The following DPYD variants were observed in gnomAD, a reference collection of about 807,000 sequenced individuals.
The protein encoded by DPYD is dihydropyrimidine dehydrogenase, also known as dihydropyrimidine dehydrogenase [NADP(+)].
Under a neutral mutation model 116.2 loss-of-function variants are expected in DPYD, and 109 were observed. That is an observed-to-expected ratio of 0.94 (90% CI 0.80 to 1.10). DPYD has a LOEUF of 1.10. DPYD is among the 50% of genes least tolerant of loss of function. The pLI is 0.00. For synonymous variants in DPYD, 440 were observed against 432.0 expected, an observed-to-expected ratio of 1.02 and a Z score of -0.23; for missense variants, 1,302 against 1,254.5, an observed-to-expected ratio of 1.04 and a Z score of -0.57.
intron 8 of DPYD, among the ~76,000 whole-genome samples, chr1:97,655,761 A>C (rs1457883893): frequency 6.6e-6 from 1 of 152,178 alleles, no homozygotes; most frequent in Non-Finnish European, 1.5e-5. Flanking sequence ...AAAACTTTAA[A>C]AACTGTACAC....
intron 3 of DPYD, among the ~76,000 whole-genome samples, chr1:97,817,878 C>T (rs1007983220): frequency 7.9e-5 from 12 of 152,134 alleles, no homozygotes; most frequent in African/African-American, 2.9e-4. Flanking sequence ...AGCTAATCCT[C>T]ACAGTACCAA....
At chr1:97,713,374 T>G (rs1349975918) in intron 5 of DPYD, among the ~76,000 whole-genome samples, 1 of 152,122 alleles carries the variant, frequency 6.6e-6, no homozygotes, top group Non-Finnish European at 1.5e-5. Flanking sequence ...TTTCGTTAAA[T>G]TTCAAAGTTA....
At chr1:97,763,534 T>A (rs1665693217) in intron 3 of DPYD, among the ~76,000 whole-genome samples, 2 of 151,990 alleles carry the variant, frequency 1.3e-5, no homozygotes, top group African/African-American at 4.8e-5. Flanking sequence ...AACTCCTCCA[T>A]CAAGAAAGGA....
intron 3 of DPYD, among the ~76,000 whole-genome samples, chr1:97,749,605 TATATCC>T (rs1436292664): frequency 4.6e-5 from 7 of 152,206 alleles, no homozygotes; most frequent in Admixed American, 4.6e-4. Flanking sequence ...TGCAACCACA[TATATCC>T]ATAATAGAGA....
intron 14 of DPYD, among the ~76,000 whole-genome samples, chr1:97,391,281 G>A (rs1253324852): frequency 6.6e-6 from 1 of 151,746 alleles, no homozygotes; most frequent in South Asian, 2.1e-4. Flanking sequence ...ACGACTACCC[G>A]TTAGCACTTA....
At position 97,558,144 on chromosome 1, in the gene DPYD, T is replaced by C. The variant is rs191660898; in HGVS notation, c.1340-8400A>G. Reference sequence around the variant, plus strand: ...CTTCACAGATTCAGCCTTGAGAGCATCCTTTCCAATGAAACCTTTTTCCCC... The same window carrying C: ...CTTCACAGATTCAGCCTTGAGAGCACCCTTTCCAATGAAACCTTTTTCCCC... On this transcript the variant is annotated intron_variant, in intron 11 of 22. Transcript: ENST00000370192. 2.5e-3 allele frequency among the ~76,000 whole-genome samples: 374 copies of C among 152,292 alleles called. 8 individuals are homozygous for C. The highest frequency in any genetic ancestry group is 0.022 in the Admixed American group (333 of 15,288).
intron 20 of DPYD, among the ~76,000 whole-genome samples, chr1:97,116,994 C>CAAAAAAAAAAAAAAAA (rs397784957): frequency 9.3e-6 from 1 of 107,184 alleles, no homozygotes; most frequent in Non-Finnish European, 2.0e-5. Flanking sequence ...ACTAAAAATA[C>CAAAAAAAAAAAAAAAA]AAAAAAAAAA....
At chr1:97,873,465 G>T (rs528903068) in intron 2 of DPYD, among the ~76,000 whole-genome samples, 1 of 151,794 alleles carries the variant, frequency 6.6e-6, no homozygotes, top group Non-Finnish European at 1.5e-5. Context: ...ATAAACAACG[G>T]AAACCAATCA....
intron 19 of DPYD, among the ~76,000 whole-genome samples, chr1:97,222,728 T>G (rs553282037): frequency 6.6e-6 from 1 of 152,232 alleles, no homozygotes; most frequent in Non-Finnish European, 1.5e-5. Flanking sequence ...TAAAAATATC[T>G]ACTTACATAT....
chr1:97,680,232 C>G (rs757357088), intron 7 of DPYD, among the ~76,000 whole-genome samples: 11 of 152,040 alleles, frequency 7.2e-5, no homozygotes, highest in Non-Finnish European at 1.0e-4. Context: ...GTTGGGAAGG[C>G]CACATGAAAA....
rs137980252 is a variant in DPYD at position 97,566,319 on chromosome 1, G to A, written c.1339+7441C>T. ...AAAGAGTCTGCACTAGCCACCATAC[G>A]TTATTTAAAAACCTGTGAAGTGAGG... On this transcript the variant is annotated intron_variant, in intron 11 of 22. Coordinates refer to ENST00000370192, the MANE Select transcript of DPYD (RefSeq NM_000110.4). Among the ~76,000 whole-genome samples the A allele has an allele frequency of 1.0e-3, 153 of 152,198 alleles. No individual in the cohort carries two copies. In the Middle Eastern group the frequency reaches 0.01, roughly 10 times the overall value.
At chr1:97,632,220 G>A (rs1657306572) in intron 8 of DPYD, among the ~76,000 whole-genome samples, 1 of 152,012 alleles carries the variant, frequency 6.6e-6, no homozygotes, top group Admixed American at 6.6e-5. Context: ...CATACTAAAT[G>A]TTCAATGAAA....
At chr1:97,494,461 AT>A (rs1448703385) in intron 13 of DPYD, among the ~76,000 whole-genome samples, 2 of 152,210 alleles carry the variant, frequency 1.3e-5, no homozygotes, top group Admixed American at 1.3e-4. Flanking sequence ...TTAGTGGCAG[AT>A]TTGCAATTTC....
chr1:97,739,610 T>C (rs1234755599), intron 4 of DPYD, among the ~76,000 whole-genome samples: 1 of 152,146 alleles, frequency 6.6e-6, no homozygotes, highest in African/African-American at 2.4e-5. Flanking sequence ...GGAGTTAAGG[T>C]ATCTTTACAG....
At chr1:97,123,600 T>G (rs1210964236) in intron 20 of DPYD, among the ~76,000 whole-genome samples, 2 of 152,142 alleles carry the variant, frequency 1.3e-5, no homozygotes, top group Non-Finnish European at 2.9e-5. Flanking sequence ...GTCCTTTGAA[T>G]GTAAGAAAAT....
At chr1:97,215,417 T>C (rs767698319) in intron 19 of DPYD, among the ~76,000 whole-genome samples, 1 of 152,206 alleles carries the variant, frequency 6.6e-6, no homozygotes, top group East Asian at 1.9e-4. Context: ...GAAAAGGTCA[T>C]CTGAGTCCTT....
chr1:97,370,678 C>T (rs1671270890), intron 16 of DPYD, among the ~76,000 whole-genome samples: 1 of 151,960 alleles, frequency 6.6e-6, no homozygotes, highest in South Asian at 2.1e-4. Context: ...ATAACAGTAG[C>T]CTGCTATTTT....
At chr1:97,537,243 C>T (rs762912214) in intron 12 of DPYD, among the ~76,000 whole-genome samples, 11 of 152,160 alleles carry the variant, frequency 7.2e-5, no homozygotes, top group Non-Finnish European at 1.6e-4. Flanking sequence ...TATTACCATT[C>T]TTCACTTTTT....
rs377047343 is a variant in DPYD, at chr1:97,428,182, T to C, written c.1905+21877A>G. ...TGACCTTGCCCAACCTCTTTGTTTA[T>C]AGATGAGCTATGACTTGCCCAAGTT... On this transcript the variant is annotated intron_variant, in intron 14 of 22. Coordinates refer to ENST00000370192, the MANE Select transcript of DPYD (RefSeq NM_000110.4). 2.1e-4 allele frequency among the ~76,000 whole-genome samples: 32 copies of C among 152,198 alleles called. 1 individual carries two copies. The South Asian group carries it at 6.6e-3, about 31-fold the overall frequency.
Sources: gnomAD v4.1 joint callset for allele counts (sites outside exome capture counted in the v4.1 genomes callset) on GRCh38, gnomAD v4.1.1 for gene constraint, MANE v1.5 for transcripts, NCBI Gene and HGNC (gene_info 2026-07-23, HGNC 2026-07-21) for gene names.